CDK14: variants seen among roughly 807,000 people sequenced by gnomAD.
The protein encoded by CDK14 is cyclin-dependent kinase 14.
A neutral mutation model predicts 60.7 loss-of-function variants in CDK14; 34 were observed. The observed-to-expected ratio is 0.56, with a 90% CI of 0.43 to 0.75. The LOEUF is 0.75. Among genes scored for constraint, CDK14 ranks in the 30% least tolerant of loss-of-function variants. CDK14 has a pLI of 0.00. For synonymous variants in CDK14, 197 were observed against 203.7 expected, an observed-to-expected ratio of 0.97 and a Z score of 0.28; for missense variants, 482 against 564.1, an observed-to-expected ratio of 0.85 and a Z score of 1.47.
chr7:90,860,467 C>G (rs1584055396), intron 5 of CDK14, among the ~76,000 whole-genome samples: 1 of 149,390 alleles, frequency 6.7e-6, no homozygotes, highest in South Asian at 2.1e-4. Flanking sequence ...TCTAAAATTT[C>G]TTTAAGATGA....
intron 2 of CDK14, among the ~76,000 whole-genome samples, chr7:90,616,405 T>C (rs951721407): frequency 1.3e-5 from 2 of 152,230 alleles, no homozygotes; most frequent in Non-Finnish European, 2.9e-5. Context: ...TCTTCAGCTA[T>C]ATAGCTCTCT....
chr7:90,860,189 C>G (rs1790957338), intron 5 of CDK14, among the ~76,000 whole-genome samples: 1 of 151,758 alleles, frequency 6.6e-6, no homozygotes, highest in Non-Finnish European at 1.5e-5. Context: ...GTTTCTGTTA[C>G]TTGATAGGAT....
chr7:91,159,234 C>T (rs1801091109), intron 14 of CDK14, among the ~76,000 whole-genome samples: 1 of 152,106 alleles, frequency 6.6e-6, no homozygotes, highest in Non-Finnish European at 1.5e-5. Flanking sequence ...ACAATTTTGC[C>T]AAGAAAAATG....
At position 90,965,772 on chromosome 7, in the gene CDK14, A is replaced by G. The variant is rs114103016; in HGVS notation, c.947+9955A>G. On this transcript the variant is annotated intron_variant, in intron 9 of 14. Coordinates refer to ENST00000380050, the MANE Select transcript of CDK14 (RefSeq NM_001287135.2). ...AAATGATTGATGTTTGGCTAACTGT[A>G]TATCATTAATGATAATGTATAACTT... is the stretch of plus-strand genomic sequence containing the variant. Among the ~76,000 whole-genome samples, 1,188 of 152,340 alleles carry G rather than the reference A, an allele frequency of 7.8e-3. 20 individuals carry two copies. Among genetic ancestry groups the G allele is most frequent in the African/African-American group, 0.028 (1,147 of 41,568 alleles).
intron 12 of CDK14, among the ~76,000 whole-genome samples, chr7:91,095,801 A>G (rs1032563403): frequency 2.0e-5 from 3 of 152,104 alleles, no homozygotes; most frequent in African/African-American, 7.2e-5. Context: ...AATATACAAG[A>G]TGAAAATGGT....
At chr7:90,769,559 TG>T (rs1405365501) in intron 4 of CDK14, among the ~76,000 whole-genome samples, 2 of 151,390 alleles carry the variant, frequency 1.3e-5, no homozygotes, top group Non-Finnish European at 2.9e-5. Flanking sequence ...CTCCGCCTCC[TG>T]GGTTTAAGCG....
intron 5 of CDK14, among the ~76,000 whole-genome samples, chr7:90,834,531 C>T (rs1427885162): frequency 6.6e-6 from 1 of 152,064 alleles, no homozygotes; most frequent in Admixed American, 6.6e-5. Flanking sequence ...AGGTTTTGTT[C>T]GTTTGCAGCA....
intron 8 of CDK14, among the ~76,000 whole-genome samples, chr7:90,932,356 G>A (rs1419505288): frequency 6.6e-6 from 1 of 152,070 alleles, no homozygotes; most frequent in Non-Finnish European, 1.5e-5. Flanking sequence ...TAAAAACAAA[G>A]AAAAGAAAAA....
chr7:90,666,821 T>C (rs1800988750), intron 2 of CDK14, among the ~76,000 whole-genome samples: 1 of 152,210 alleles, frequency 6.6e-6, no homozygotes, highest in African/African-American at 2.4e-5. Context: ...TTAAAGCCAT[T>C]GCTGTCCTGA....
At chr7:90,649,356 C>T (rs1370600066) in intron 2 of CDK14, among the ~76,000 whole-genome samples, 2 of 46,028 alleles carry the variant, frequency 4.3e-5, no homozygotes, top group African/African-American at 2.9e-4. Context: ...TTCCTTCCTT[C>T]CTTCCTTCCT....
At chr7:91,008,161 A>AAAAAAAAG (rs1796046158) in intron 10 of CDK14, among the ~76,000 whole-genome samples, 2 of 149,590 alleles carry the variant, frequency 1.3e-5, no homozygotes, top group African/African-American at 4.9e-5. Context: ...AAAAAAAAAC[A>AAAAAAAAG]GTGGATGGTG....
In CDK14 at chr7:90,957,180, G is replaced by A. The variant is rs1169155817; in HGVS notation, c.947+1363G>A. 4.0e-5 allele frequency among the ~76,000 whole-genome samples: 6 copies of A among 151,530 alleles called. No homozygotes were observed. In the East Asian group the frequency reaches 1.2e-3, roughly 29 times the overall value. ...GTATTTCTAGTTCTAGATCCCTGAG[G>A]AATCGCCACACTGACTTCCACAATG... On this transcript the variant is annotated intron_variant, in intron 9 of 14. Coordinates refer to ENST00000380050, the MANE Select transcript of CDK14 (RefSeq NM_001287135.2).
chr7:90,796,673 T>G (rs561211519), intron 5 of CDK14, among the ~76,000 whole-genome samples: 1 of 152,284 alleles, frequency 6.6e-6, no homozygotes, highest in East Asian at 1.9e-4. Context: ...GAGCAGGATC[T>G]TGTACCTAGA....
At chr7:90,974,455 A>G (rs1475072736) in intron 9 of CDK14, among the ~76,000 whole-genome samples, 2 of 152,200 alleles carry the variant, frequency 1.3e-5, no homozygotes, top group Admixed American at 6.5e-5. Context: ...ATAAATGTCC[A>G]TGAAATCTTC....
intron 9 of CDK14, among the ~76,000 whole-genome samples, chr7:90,965,171 A>T (rs1444631371): frequency 2.6e-5 from 4 of 151,524 alleles, no homozygotes; most frequent in Non-Finnish European, 2.9e-5. Flanking sequence ...CCCCATCCCC[A>T]CTTTGTCTCT....
chr7:90,653,676 A>AT (rs1800694524), intron 2 of CDK14, among the ~76,000 whole-genome samples: 1 of 151,972 alleles, frequency 6.6e-6, no homozygotes, highest in Admixed American at 6.6e-5. Flanking sequence ...TTATTTATTT[A>AT]TTTTTATTAT....
intron 4 of CDK14, among the ~76,000 whole-genome samples, chr7:90,773,377 T>C (rs1804864907): frequency 6.6e-6 from 1 of 152,210 alleles, no homozygotes; most frequent in Admixed American, 6.5e-5. Flanking sequence ...TCTCAGTTTC[T>C]TTATAAAGTG....
At chr7:90,635,961 T>C (rs1800135653) in intron 2 of CDK14, among the ~76,000 whole-genome samples, 1 of 151,940 alleles carries the variant, frequency 6.6e-6, no homozygotes, top group African/African-American at 2.4e-5. Flanking sequence ...ATAAGAATGC[T>C]TGTGATTTTT....
intron 14 of CDK14, among the ~76,000 whole-genome samples, chr7:91,147,671 A>G (rs368439735): frequency 5.9e-5 from 9 of 152,254 alleles, no homozygotes; most frequent in Admixed American, 1.3e-4. Context: ...TTTATTGTAG[A>G]TACTGTCTAC....
Sources: gnomAD v4.1 joint callset for allele counts (sites outside exome capture counted in the v4.1 genomes callset) on GRCh38, gnomAD v4.1.1 for gene constraint, MANE v1.5 for transcripts, NCBI Gene and HGNC (gene_info 2026-07-23, HGNC 2026-07-21) for gene names.